HIVEP3: variants seen among roughly 807,000 people sequenced by gnomAD.
HIVEP3 encodes HIVEP zinc finger 3, also known as transcription factor HIVEP3.
In HIVEP3, 49 loss-of-function variants were observed where a neutral mutation model predicts 152.8. That is an observed-to-expected ratio of 0.32 (90% CI 0.26 to 0.41). The LOEUF is 0.41. Ranked by LOEUF, HIVEP3 falls within the 10% of genes least tolerant of loss-of-function variation. The pLI is 1.00. For synonymous variants in HIVEP3, 1,269 were observed against 1,289.0 expected (o/e 0.98, Z 0.33); for missense variants, 2,790 against 3,103.3 (o/e 0.90, Z 2.40).
At chr1:41,747,087 G>A (rs1006227832) in intron 1 of HIVEP3, among the ~76,000 whole-genome samples, 4 of 152,198 alleles carry the variant, frequency 2.6e-5, no homozygotes, top group Admixed American at 6.5e-5. Flanking sequence ...ACCTGTGAGA[G>A]GCAGCAGCAG....
chr1:41,714,204 G>T (rs183562970), intron 1 of HIVEP3, among the ~76,000 whole-genome samples: 36 of 152,278 alleles, frequency 2.4e-4, no homozygotes, highest in African/African-American at 7.7e-4. Context: ...TTACTGGCTG[G>T]GAATTTAACA....
At chr1:41,548,807 G>A (rs1222570516) in intron 5 of HIVEP3, among the ~76,000 whole-genome samples, 1 of 152,076 alleles carries the variant, frequency 6.6e-6, no homozygotes, top group Non-Finnish European at 1.5e-5. Flanking sequence ...AAAGTGCTGG[G>A]ATTACAGGAG....
At chr1:42,030,884 T>C (rs557898529) in intron 1 of HIVEP3, among the ~76,000 whole-genome samples, 3 of 152,242 alleles carry the variant, frequency 2.0e-5, no homozygotes, top group African/African-American at 7.2e-5. Context: ...TTTTTGTACA[T>C]GTTTAAAATT....
intron 2 of HIVEP3, among the ~76,000 whole-genome samples, chr1:41,668,921 G>A (rs760640761): frequency 5.3e-5 from 8 of 152,222 alleles, no homozygotes; most frequent in Middle Eastern, 6.8e-3. Context: ...CAATAAACAG[G>A]GCACCTGGAA....
intron 1 of HIVEP3, among the ~76,000 whole-genome samples, chr1:41,869,310 C>T (rs952569162): frequency 2.0e-5 from 3 of 152,200 alleles, no homozygotes; most frequent in Non-Finnish European, 2.9e-5. Context: ...AATTCACCTG[C>T]CCTGGATATC....
intron 2 of HIVEP3, among the ~76,000 whole-genome samples, chr1:41,698,945 A>C (rs992826758): frequency 1.3e-5 from 2 of 152,196 alleles, no homozygotes; most frequent in African/African-American, 4.8e-5. Flanking sequence ...CACCAATGCC[A>C]GGATCAGAGG....
At chr1:42,029,452 C>T (rs941004574) in intron 1 of HIVEP3, among the ~76,000 whole-genome samples, 1 of 152,172 alleles carries the variant, frequency 6.6e-6, no homozygotes, top group Non-Finnish European at 1.5e-5. Context: ...ATGCTAATTC[C>T]TACCTAGAAG....
At chr1:41,556,214 C>A (rs1012934353) in intron 5 of HIVEP3, among the ~76,000 whole-genome samples, 1 of 152,164 alleles carries the variant, frequency 6.6e-6, no homozygotes, top group Non-Finnish European at 1.5e-5. Context: ...TACCGTTTTT[C>A]ACAGCGGCTG....
At chr1:41,807,623 C>G (rs1650713174) in intron 1 of HIVEP3, among the ~76,000 whole-genome samples, 1 of 152,174 alleles carries the variant, frequency 6.6e-6, no homozygotes, top group Non-Finnish European at 1.5e-5. Context: ...CCAGAATGCA[C>G]ACGCAGGCCT....
At chr1:41,615,464 G>A (rs1644954649) in intron 3 of HIVEP3, among the ~76,000 whole-genome samples, 2 of 152,240 alleles carry the variant, frequency 1.3e-5, no homozygotes, top group Non-Finnish European at 2.9e-5. Flanking sequence ...TAAAGTCCAC[G>A]TTTGACAGGT....
intron 1 of HIVEP3, among the ~76,000 whole-genome samples, chr1:42,000,746 T>C (rs1645422595): frequency 6.6e-6 from 1 of 152,100 alleles, no homozygotes; most frequent in South Asian, 2.1e-4. Flanking sequence ...TGACAAAGAT[T>C]TTTCTCCCAA....
rs780755769 is a variant in HIVEP3, at chr1:41,510,566, G to A, written c.7106C>T (p.Thr2369Met). ...CCTGGGTTCCCCGGAGAGGTTCCTC[G>A]TCCGGGCTGGGAAGCGGGCAGAGGC... The part of the protein sequence containing the change: ...AEASARFPAR[T>M]RNLSGEPRTR... Residue 2369 changes from threonine (T) to methionine (M), a missense_variant, in exon 9 of 9, where the codon ACG (threonine) becomes ATG (methionine). Physicochemically the swap from Thr to Met is moderately conservative, Grantham distance 81. This residue lies in a region of HIVEP3 where 816 missense variants were observed against 806.5 expected (regional missense o/e 1.01). Coordinates refer to ENST00000372583, the MANE Select transcript of HIVEP3 (RefSeq NM_024503.5). 2.3e-5 allele frequency: 36 copies of A among 1,565,374 alleles called. No homozygotes were observed. Among genetic ancestry groups the A allele is most frequent in the East Asian group, 1.4e-4 (6 of 42,150 alleles).
intron 2 of HIVEP3, among the ~76,000 whole-genome samples, chr1:41,678,621 C>T (rs919740077): frequency 6.6e-6 from 1 of 151,768 alleles, no homozygotes; most frequent in African/African-American, 2.4e-5. Flanking sequence ...CCACTGTCTC[C>T]CACCCATCCC....
chr1:41,887,705 CA>C (rs1357644635), intron 1 of HIVEP3, among the ~76,000 whole-genome samples: 2 of 152,256 alleles, frequency 1.3e-5, no homozygotes, highest in African/African-American at 4.8e-5. Context: ...CCTGAGTATG[CA>C]ACTGACAAAT....
At chr1:41,636,751 G>A (rs1391130477) in intron 2 of HIVEP3, among the ~76,000 whole-genome samples, 2 of 152,148 alleles carry the variant, frequency 1.3e-5, no homozygotes, top group Non-Finnish European at 2.9e-5. Context: ...TTGAGGTCAG[G>A]AGTTCAAAAC....
chr1:41,787,879 G>C (rs1649456471), intron 1 of HIVEP3, among the ~76,000 whole-genome samples: 1 of 152,120 alleles, frequency 6.6e-6, no homozygotes, highest in Non-Finnish European at 1.5e-5. Flanking sequence ...GTGAGGAATG[G>C]GGGCAGAGAT....
chr1:41,596,750 G>A (rs1476697627), intron 3 of HIVEP3, among the ~76,000 whole-genome samples: 3 of 152,204 alleles, frequency 2.0e-5, no homozygotes, highest in Non-Finnish European at 4.4e-5. Context: ...GGCAAAGGCA[G>A]GATTTGAACC....
chr1:41,605,367 GCACACGCGCACA>G (rs1412097889), intron 3 of HIVEP3, among the ~76,000 whole-genome samples: 2 of 111,734 alleles, frequency 1.8e-5, no homozygotes, highest in East Asian at 2.9e-4. Flanking sequence ...ATACACACAC[GCACACGCGCACA>G]CACACACACA....
In HIVEP3 at chr1:41,584,516, C is replaced by T. The variant is rs770468549; in HGVS notation, c.282G>A (p.Gln94=). 3 of 1,614,122 alleles carry T rather than the reference C, an allele frequency of 1.9e-6. No individual in the cohort carries two copies. The East Asian group carries it at 6.7e-5, about 36-fold the overall frequency. The change falls in exon 4 of 9, where the codon CAG becomes CAA. Residue 94 remains glutamine, a synonymous_variant. Coordinates refer to ENST00000372583, the MANE Select transcript of HIVEP3 (RefSeq NM_024503.5). This position sits in a 1 kb window ranked among gnomAD's most constrained non-coding sequence, Gnocchi z 5.2. ...PPIEASVHIS[Q]LPQHPLTPAF... is the part of the protein sequence containing the mutation. The stretch of plus-strand genomic sequence containing the variant: ...CTGGTGTCAGAGGGTGCTGCGGAAG[C>T]TGTGAGATGTGGACGGATGCTTCGA...
Sources: gnomAD v4.1 joint callset for allele counts (sites outside exome capture counted in the v4.1 genomes callset) on GRCh38, gnomAD v4.1.1 for gene constraint, gnomAD v4.1.1 regional missense constraint, Gnocchi (gnomAD v3.1) non-coding constraint, MANE v1.5 for transcripts, NCBI Gene and HGNC (gene_info 2026-07-23, HGNC 2026-07-21) for gene names.